Variants in SMARCD1 observed in about 807,000 individuals in gnomAD.
SMARCD1 encodes SWI/SNF related BAF chromatin remodeling complex subunit D1, also known as SWI/SNF-related matrix-associated actin-dependent regulator of chromatin subfamily D member 1.
A neutral mutation model predicts 70.8 loss-of-function variants in SMARCD1; 16 were observed. The ratio of observed to expected loss-of-function variants is 0.23; its 90% CI spans 0.15 to 0.34. The LOEUF (loss-of-function observed/expected upper bound fraction) is 0.34. Among genes scored for constraint, SMARCD1 ranks in the 10% least tolerant of loss-of-function variants. The pLI is 1.00. For missense variants in SMARCD1, 409 were observed against 655.5 expected, an observed-to-expected ratio of 0.62 and a Z score of 4.11; for synonymous variants, 249 against 246.0, an observed-to-expected ratio of 1.01 and a Z score of -0.11.
chr12:50,091,187 G>A (rs1950840301), intron 9 of SMARCD1, among the ~76,000 whole-genome samples: 1 of 151,588 alleles, frequency 6.6e-6, no homozygotes, highest in Non-Finnish European at 1.5e-5. Flanking sequence ...TATCCATCTG[G>A]CGGAAATATG....
At position 50,088,586 on chromosome 12, in the gene SMARCD1, G is replaced by C; in HGVS notation, c.720G>C (p.Leu240Phe). ...KRKFSSFFKS[L>F]VIELDKDLYG... ...AGTTCTCTTCCTTTTTTAAGTCCTT[G>C]GTGATTGAACTGGACAAAGACCTGT... Residue 240 changes from leucine to phenylalanine, a missense_variant, in exon 6 of 13, where the codon TTG becomes TTC. By Grantham distance (22) the Leu-to-Phe change is conservative. Transcript: ENST00000394963. 6.2e-7 allele frequency: 1 copy of C among 1,611,900 alleles called. No individual in the cohort carries two copies. The highest frequency in any genetic ancestry group is 8.5e-7 in the Non-Finnish European group (1 of 1,178,540).
At chr12:50,096,318 GTA>G (rs1950892981) in intron 10 of SMARCD1, among the ~76,000 whole-genome samples, 3 of 152,296 alleles carry the variant, frequency 2.0e-5, no homozygotes, top group African/African-American at 7.2e-5. Flanking sequence ...TGGAGAAACG[GTA>G]GTGAGTTTAA....
rs746212236 is a variant in SMARCD1 at position 50,086,596 on chromosome 12, T to A, written c.366-25T>A. 4 of 1,611,686 alleles carry A rather than the reference T, an allele frequency of 2.5e-6. No individual in the cohort carries two copies. The African/African-American group carries it at 5.3e-5, about 22-fold the overall frequency. On this transcript the variant is annotated intron_variant, in intron 2 of 12. Transcript: ENST00000394963. ...CGTTCTGACTAGTTCTGTCCCAACC[T>A]GATAATAGTATTTATTCCCAACAGT... is the stretch of plus-strand genomic sequence containing the variant.
At position 50,094,520 on chromosome 12, in the gene SMARCD1, C is replaced by A. The variant is rs750857733; in HGVS notation, c.1217C>A (p.Ser406Tyr). 6.2e-7 allele frequency: 1 copy of A among 1,614,050 alleles called. No individual in the cohort carries two copies. The highest frequency in any genetic ancestry group is 1.1e-5 in the South Asian group (1 of 91,080). ...GACACCTTGAAGACCCAGATGAATT[C>A]TTTTCTGCTGTCCACTGCCAGCCAA... is the stretch of plus-strand genomic sequence containing the variant. ...VDDTLKTQMNSFLLSTASQQE... is the reference protein window; with the variant it reads ...VDDTLKTQMNYFLLSTASQQE... The change falls in exon 10 of 13, where the codon TCT becomes TAT. Residue 406 changes from serine to tyrosine, a missense_variant. This residue lies in a region of SMARCD1 where 269 missense variants were observed against 498.6 expected (regional missense o/e 0.54). Transcript: ENST00000394963.
chr12:50,087,327 A>T (rs755627408), intron 4 of SMARCD1, 36 bp from the exon 5 acceptor site: 2 of 1,608,790 alleles, frequency 1.2e-6, no homozygotes. Context: ...CAGACCACTG[A>T]AGCCCCACGA....
At chr12:50,090,207 C>G in intron 7 of SMARCD1, 34 bp from the exon 8 acceptor site, 1 of 1,577,556 alleles carries the variant, frequency 6.3e-7, no homozygotes, top group South Asian at 1.2e-5. Context: ...ACGCAGCTAA[C>G]TAGCTTCATC....
rs1214917846 is a variant in SMARCD1 at position 50,099,258 on chromosome 12, C to G, written c.*258C>G. ...CCCTCCCCTGGTCTACATAGGACCT[C>G]TAGATAGTGTTAGAGAGAGAACATG... is the stretch of plus-strand genomic sequence containing the variant. On this transcript the variant is annotated 3_prime_UTR_variant, in exon 13 of 13. Coordinates refer to ENST00000394963, the MANE Select transcript of SMARCD1 (RefSeq NM_003076.5). The G allele has an allele frequency of 8.4e-6, 5 of 598,600 alleles. No homozygotes were observed. The highest frequency in any genetic ancestry group is 7.4e-5 in the African/African-American group (4 of 53,794). The allele number at this position is 598,600 out of a possible 1,614,324, so 37.1% of individuals were successfully genotyped here. A position where few individuals can be genotyped will look rare whatever the true frequency, so the allele number is the denominator to read the frequency against.
chr12:50,085,475 CCTCCTGTGCGAATGGGCCCG>C lies in SMARCD1; in HGVS notation c.107_126del (p.Pro36ArgfsTer88). On this transcript the variant is annotated frameshift_variant, in exon 1 of 13. Coordinates refer to ENST00000394963, the MANE Select transcript of SMARCD1 (RefSeq NM_003076.5). LOFTEE classifies it high-confidence loss of function. Reference sequence around the variant, plus strand: ...CTTGGGCCCGGGCGGAACTCCGGGGCCTCCTGTGCGAATGGGCCCGGCTCCGGGTCAAGGGCTGTACCGCT... The same window carrying C: ...CTTGGGCCCGGGCGGAACTCCGGGGCGCTCCGGGTCAAGGGCTGTACCGCT... 8.1e-7 allele frequency: 1 copy of C among 1,239,332 alleles called. No individual in the cohort carries two copies. Among genetic ancestry groups the C allele is most frequent in the Non-Finnish European group, 1.0e-6 (1 of 991,952 alleles). 76.8% of individuals were successfully genotyped at this position (1,239,332 alleles called of 1,614,324 possible). A position where few individuals can be genotyped will look rare whatever the true frequency, so the allele number is the denominator to read the frequency against.
chr12:50,096,642 G>A (rs1350494043), intron 10 of SMARCD1: 1 of 520,826 alleles, frequency 1.9e-6, no homozygotes, highest in African/African-American at 1.9e-5. Flanking sequence ...TCCTCACATG[G>A]GGTATACAGA....
rs576998486 is a variant in SMARCD1 at position 50,091,224 on chromosome 12, G to A, written c.1133+634G>A. The stretch of plus-strand genomic sequence containing the variant: ...TATAATGATGTGCTTATGTGTTACT[G>A]TGCATCTCTTCCCATGAACAGTAAT... On this transcript the variant is annotated intron_variant, in intron 9 of 12. Transcript: ENST00000394963. 4.6e-5 allele frequency among the ~76,000 whole-genome samples: 7 copies of A among 151,622 alleles called. No individual in the cohort carries two copies. In the South Asian group the frequency reaches 1.5e-3, roughly 32 times the overall value.
rs1302607536 is a variant in SMARCD1 at position 50,096,979 on chromosome 12, A to G, written c.1392+7A>G. ...CCAGTGCAGGGACCTCAAGGTAAAG[A>G]ACCTAGGAGAGGTCTGAAGGGACTT... is the stretch of plus-strand genomic sequence containing the variant. On this transcript the variant is annotated splice_region_variant and intron_variant, in intron 11 of 12. Coordinates refer to ENST00000394963, the MANE Select transcript of SMARCD1 (RefSeq NM_003076.5). The G allele has an allele frequency of 5.0e-6, 8 of 1,609,198 alleles. No individual in the cohort carries two copies. In the Admixed American group the frequency reaches 8.4e-5, roughly 17 times the overall value.
chr12:50,094,493 A>T lies in SMARCD1; in HGVS notation c.1190A>T (p.Asp397Val). 2 of 1,614,016 alleles carry T rather than the reference A, an allele frequency of 1.2e-6. No individual in the cohort carries two copies. The highest frequency in any genetic ancestry group is 1.7e-6 in the Non-Finnish European group (2 of 1,179,924). The change falls in exon 10 of 13, where the codon GAT (aspartate) becomes GTT (valine). Residue 397 changes from aspartate (D) to valine (V), a missense_variant. Transcript: ENST00000394963. The part of the protein sequence containing the change: ...TACYDIDVEV[D>V]DTLKTQMNSF... Reference sequence around the variant, plus strand: ...TGTTATGACATTGATGTTGAAGTGGATGACACCTTGAAGACCCAGATGAAT... The same window carrying T: ...TGTTATGACATTGATGTTGAAGTGGTTGACACCTTGAAGACCCAGATGAAT...
intron 9 of SMARCD1, among the ~76,000 whole-genome samples, chr12:50,092,426 G>T (rs375989388): frequency 6.6e-6 from 1 of 150,524 alleles, no homozygotes; most frequent in African/African-American, 2.4e-5. Flanking sequence ...GTTTTACCAT[G>T]TTGGCCAGGA....
chr12:50,089,823 C>A, intron 6 of SMARCD1, 61 bp from the exon 7 acceptor site: 1 of 1,179,720 alleles, frequency 8.5e-7, no homozygotes, highest in Non-Finnish European at 1.3e-6. Context: ...TACAGAAGCT[C>A]TTCCCTCCCA....
rs944189754 is a variant in SMARCD1, at chr12:50,094,900, C to T, written c.1269+328C>T. ...GCAACCTCCACTTCCTGGGTTCAAG[C>T]GATTCTCCTGCCTCAGCCTCCCAAG... On this transcript the variant is annotated intron_variant, in intron 10 of 12. Coordinates refer to ENST00000394963, the MANE Select transcript of SMARCD1 (RefSeq NM_003076.5). 8.5e-5 allele frequency among the ~76,000 whole-genome samples: 13 copies of T among 152,252 alleles called. No homozygotes were observed. In the South Asian group the frequency reaches 2.7e-3, roughly 32 times the overall value.
At chr12:50,098,233 C>G (rs549835801) in intron 11 of SMARCD1, among the ~76,000 whole-genome samples, 1 of 152,332 alleles carries the variant, frequency 6.6e-6, no homozygotes, top group African/African-American at 2.4e-5. Context: ...TTTGCTGAGG[C>G]TGCTGTAGCA....
intron 9 of SMARCD1, 102 bp from the exon 10 acceptor site, chr12:50,094,335 A>G: frequency 8.5e-7 from 1 of 1,171,662 alleles, no homozygotes. Flanking sequence ...GCCCTTTTAC[A>G]GTTAGCCCCT....
intron 9 of SMARCD1, among the ~76,000 whole-genome samples, chr12:50,093,924 C>T (rs566232445): frequency 1.3e-5 from 2 of 152,248 alleles, no homozygotes; most frequent in South Asian, 2.1e-4. Flanking sequence ...GGATTACAGG[C>T]GTGAGCTACC....
At chr12:50,088,448 T>C in intron 5 of SMARCD1, 73 bp from the exon 6 acceptor site, 1 of 842,410 alleles carries the variant, frequency 1.2e-6, no homozygotes, top group Non-Finnish European at 1.9e-6. Context: ...TTGGGGTTCC[T>C]TTTTCATAGG....
Sources: gnomAD v4.1 joint callset for allele counts (sites outside exome capture counted in the v4.1 genomes callset) on GRCh38, gnomAD v4.1.1 for gene constraint, gnomAD v4.1.1 regional missense constraint, MANE v1.5 for transcripts, NCBI Gene and HGNC (gene_info 2026-07-23, HGNC 2026-07-21) for gene names.